Variants in ZBTB16 observed in about 807,000 individuals in gnomAD.
ZBTB16 encodes zinc finger and BTB domain containing 16.
ZBTB16 carries 8 observed loss-of-function variants against 56.8 expected under a neutral mutation model. That is an observed-to-expected ratio of 0.14 (90% CI 0.08 to 0.25). The LOEUF is 0.25. ZBTB16 is among the 10% of genes least tolerant of loss of function. ZBTB16 has a pLI of 1.00. For synonymous variants in ZBTB16, 363 were observed against 368.5 expected (o/e 0.98, Z 0.17); for missense variants, 625 against 903.0 (o/e 0.69, Z 3.95).
At chr11:114,153,400 G>A (rs1261774889) in intron 2 of ZBTB16, among the ~76,000 whole-genome samples, 1 of 152,190 alleles carries the variant, frequency 6.6e-6, no homozygotes, top group African/African-American at 2.4e-5. Context: ...TAACCTGTAT[G>A]GGGCACTGAG....
In ZBTB16 at chr11:114,255,417, C is replaced by A. The variant is rs1276403423; in HGVS notation, c.*4862C>A. Among the ~76,000 whole-genome samples the A allele has an allele frequency of 7.8e-6, 1 of 127,854 alleles. No individual in the cohort carries two copies. Among genetic ancestry groups the A allele is most frequent in the African/African-American group, 2.7e-5 (1 of 37,520 alleles). 83.9% of individuals were successfully genotyped at this position (127,854 alleles called of 152,430 possible). A position where few individuals can be genotyped will look rare whatever the true frequency, so the allele number is the denominator to read the frequency against. On this transcript the variant is annotated 3_prime_UTR_variant, in exon 7 of 7. Coordinates refer to ENST00000335953, the MANE Select transcript of ZBTB16 (RefSeq NM_006006.6). ...CTTTTTTGTACAAATCAATCTCTTT[C>A]TCTCTTTCTCTCCTCCCCACCTCTC...
At chr11:114,177,825 A>G (rs1373443223) in intron 3 of ZBTB16, among the ~76,000 whole-genome samples, 2 of 152,160 alleles carry the variant, frequency 1.3e-5, no homozygotes, top group East Asian at 3.9e-4. Flanking sequence ...TTGGAGACAG[A>G]GTATCACTCC....
intron 4 of ZBTB16, among the ~76,000 whole-genome samples, chr11:114,234,265 T>C (rs1365068442): frequency 1.3e-5 from 2 of 152,226 alleles, no homozygotes; most frequent in African/African-American, 4.8e-5. Flanking sequence ...CTAAGGTTTT[T>C]GGCTCTTAGC....
At chr11:114,159,615 G>T (rs930010976) in intron 3 of ZBTB16, among the ~76,000 whole-genome samples, 2 of 152,148 alleles carry the variant, frequency 1.3e-5, no homozygotes, top group Non-Finnish European at 2.9e-5. Flanking sequence ...AGGCCCTGGG[G>T]GCCTCTGGAG....
chr11:114,195,164 G>C (rs374685578), intron 4 of ZBTB16, among the ~76,000 whole-genome samples: 3 of 152,180 alleles, frequency 2.0e-5, no homozygotes, highest in Non-Finnish European at 4.4e-5. Flanking sequence ...GACAGGATCC[G>C]GTGGTGTTAA....
intron 2 of ZBTB16, among the ~76,000 whole-genome samples, chr11:114,085,059 A>G (rs188464636): frequency 1.3e-5 from 2 of 152,320 alleles, no homozygotes; most frequent in East Asian, 1.9e-4. Context: ...ACCCTCAGGA[A>G]TTCTTCAGAA....
intron 2 of ZBTB16, among the ~76,000 whole-genome samples, chr11:114,067,847 C>T (rs2137664145): frequency 6.6e-6 from 1 of 152,178 alleles, no homozygotes; most frequent in East Asian, 1.9e-4. Flanking sequence ...GTGCTCAGCC[C>T]TCACTCAGAT....
chr11:114,242,883 G>A (rs1308509066), intron 5 of ZBTB16, among the ~76,000 whole-genome samples: 1 of 152,158 alleles, frequency 6.6e-6, no homozygotes, highest in Non-Finnish European at 1.5e-5. Flanking sequence ...ACCCTGTTTA[G>A]GGAAGACAAG....
chr11:114,067,644 T>C (rs966529640), intron 2 of ZBTB16, among the ~76,000 whole-genome samples: 14 of 152,016 alleles, frequency 9.2e-5, no homozygotes, highest in African/African-American at 3.4e-4. Context: ...TGGCCTTAAG[T>C]GATCCACCTG....
intron 3 of ZBTB16, among the ~76,000 whole-genome samples, chr11:114,177,493 G>T (rs764299383): frequency 6.6e-6 from 1 of 152,086 alleles, no homozygotes; most frequent in Non-Finnish European, 1.5e-5. Context: ...CAGGTGATCC[G>T]CCCGCCTCGG....
chr11:114,194,544 G>A (rs1447060352), intron 4 of ZBTB16, among the ~76,000 whole-genome samples: 1 of 152,162 alleles, frequency 6.6e-6, no homozygotes, highest in Non-Finnish European at 1.5e-5. Context: ...GATAAACAGA[G>A]ATCATTTTAC....
intron 4 of ZBTB16, among the ~76,000 whole-genome samples, chr11:114,232,277 G>A (rs1279627107): frequency 6.6e-6 from 1 of 152,172 alleles, no homozygotes; most frequent in Non-Finnish European, 1.5e-5. Context: ...GTAGCTTTTG[G>A]TTTATTTGCT....
chr11:114,239,614 G>C lies in ZBTB16; in HGVS notation c.1454-2553G>C, dbSNP rs142839496. ...ATTATGTCTCCCTCCAGCAAGTGAAGCTGAGTAGACTACTCAGCATTTCTG... is the reference window on the plus strand; with the variant it reads ...ATTATGTCTCCCTCCAGCAAGTGAACCTGAGTAGACTACTCAGCATTTCTG... On this transcript the variant is annotated intron_variant, in intron 4 of 6. Transcript: ENST00000335953. Among the ~76,000 whole-genome samples the C allele has an allele frequency of 1.6e-4, 25 of 152,350 alleles. No individual in the cohort carries two copies. The East Asian group carries it at 4.6e-3, about 28-fold the overall frequency.
intron 4 of ZBTB16, among the ~76,000 whole-genome samples, chr11:114,221,059 A>G (rs1944219865): frequency 6.6e-6 from 1 of 152,192 alleles, no homozygotes; most frequent in Non-Finnish European, 1.5e-5. Flanking sequence ...CCAACATTTC[A>G]GTGGAAGAGC....
chr11:114,107,529 A>G (rs1144660), intron 2 of ZBTB16, among the ~76,000 whole-genome samples: 2 of 152,138 alleles, frequency 1.3e-5, no homozygotes, highest in Non-Finnish European at 2.9e-5. Flanking sequence ...TCTCTCCTCC[A>G]AAGAGCATGA....
intron 3 of ZBTB16, among the ~76,000 whole-genome samples, chr11:114,182,779 C>T (rs1943278609): frequency 6.6e-6 from 1 of 152,182 alleles, no homozygotes; most frequent in Non-Finnish European, 1.5e-5. Flanking sequence ...TTGGGAATAG[C>T]CATGTGGTTT....
In ZBTB16 at chr11:114,250,668, A is replaced by G. The variant is rs1944902791; in HGVS notation, c.*113A>G. 8 of 1,257,986 alleles carry G rather than the reference A, an allele frequency of 6.4e-6. No homozygotes were observed. In the East Asian group the frequency reaches 2.0e-4, roughly 32 times the overall value. The allele number at this position is 1,257,986 out of a possible 1,614,324, so 77.9% of individuals were successfully genotyped here. On this transcript the variant is annotated 3_prime_UTR_variant, in exon 7 of 7. Coordinates refer to ENST00000335953, the MANE Select transcript of ZBTB16 (RefSeq NM_006006.6). The surrounding 1 kb of genome is among the most constrained non-coding windows in gnomAD (Gnocchi z 6.0). ...GGAAAAGAAAAAAAAAAACAGAAGG[A>G]AAAGGAAACCTGGTAGCTTTTTGGC...
chr11:114,130,565 G>T (rs2134858113), intron 2 of ZBTB16, among the ~76,000 whole-genome samples: 1 of 152,338 alleles, frequency 6.6e-6, no homozygotes, highest in South Asian at 2.1e-4. Context: ...TTGTATATGG[G>T]TTGGCTATGA....
intron 2 of ZBTB16, among the ~76,000 whole-genome samples, chr11:114,146,147 A>G (rs774531164): frequency 6.6e-6 from 1 of 152,262 alleles, no homozygotes. Context: ...CCTTCCCTGT[A>G]GAAGGTTATG....
Sources: gnomAD v4.1 joint callset for allele counts (sites outside exome capture counted in the v4.1 genomes callset) on GRCh38, gnomAD v4.1.1 for gene constraint, Gnocchi (gnomAD v3.1) non-coding constraint, MANE v1.5 for transcripts, NCBI Gene and HGNC (gene_info 2026-07-23, HGNC 2026-07-21) for gene names.